The following DKK3 variants were observed in gnomAD, a reference collection of about 807,000 sequenced individuals.
DKK3 encodes dickkopf Wnt signaling pathway inhibitor 3, also known as dickkopf-related protein 3.
In DKK3, 22 loss-of-function variants were observed where a neutral mutation model predicts 33.2. That is an observed-to-expected ratio of 0.66 (90% confidence interval 0.47 to 0.95). The LOEUF (loss-of-function observed/expected upper bound fraction) is 0.95, where lower values mean the gene tolerates loss of function less well. DKK3 is among the 40% of genes least tolerant of loss of function. The probability of loss-of-function intolerance (pLI) is 0.00; values close to 1 mark genes in which losing one functional copy is unlikely to be tolerated. For missense variants in DKK3, 398 were observed against 458.4 expected, an observed-to-expected ratio of 0.87 and a Z score of 1.20; for synonymous variants, 194 against 188.8, an observed-to-expected ratio of 1.03 and a Z score of -0.23.
intron 6 of DKK3, among the ~76,000 whole-genome samples, chr11:11,965,125 T>A (rs1162203537): frequency 6.6e-6 from 1 of 152,102 alleles, no homozygotes. Flanking sequence ...TTAAAAAAAA[T>A]TAATGTGTTT....
At chr11:11,999,748 C>G (rs575079896) in intron 2 of DKK3, among the ~76,000 whole-genome samples, 1 of 152,312 alleles carries the variant, frequency 6.6e-6, no homozygotes, top group African/African-American at 2.4e-5. Context: ...CAGTATGTCA[C>G]CTGGAACAAA....
chr11:11,979,429 G>A (rs189788821), intron 3 of DKK3, among the ~76,000 whole-genome samples: 16 of 152,316 alleles, frequency 1.1e-4, no homozygotes, highest in Admixed American at 8.5e-4. Flanking sequence ...GGTCACAGGC[G>A]GGTAGCCAAG....
chr11:11,981,608 G>A (rs1003936285), intron 3 of DKK3, among the ~76,000 whole-genome samples: 5 of 152,116 alleles, frequency 3.3e-5, no homozygotes, highest in Non-Finnish European at 7.4e-5. Flanking sequence ...CAATGCTTAC[G>A]GGGCTGGGGG....
At chr11:12,002,531 A>G (rs1310654009) in intron 1 of DKK3, 94 bp from the exon 2 acceptor site, 2 of 1,338,324 alleles carry the variant, frequency 1.5e-6, no homozygotes, top group African/African-American at 1.5e-5. Context: ...CTCTTCTGCA[A>G]TTACAAAGAA....
rs1428008280 is a variant in DKK3 at position 11,964,469 on chromosome 11, T to G, written c.1048A>C (p.Ile350Leu). Residue 350 changes from isoleucine to leucine, a missense_variant, in exon 7 of 7, where the codon ATT becomes CTT. Physicochemically the swap from Ile to Leu is conservative, Grantham distance 5. Transcript: ENST00000683431. The stretch of plus-strand genomic sequence containing the variant: ...ACCCACAGCCTGGTCCAGATCTAAA[T>G]CTCTTCCCCTCCCAGCAGTGCAGCG... ...AAAALLGGEE[I>L] 2 of 1,611,080 alleles carry G rather than the reference T, an allele frequency of 1.2e-6. No homozygotes were observed. Among genetic ancestry groups the G allele is most frequent in the Non-Finnish European group, 1.7e-6 (2 of 1,179,906 alleles).
intron 3 of DKK3, among the ~76,000 whole-genome samples, chr11:11,973,915 C>T (rs571182475): frequency 6.6e-6 from 1 of 152,288 alleles, no homozygotes; most frequent in East Asian, 1.9e-4. Flanking sequence ...GTGTGGGGCC[C>T]GCAGAGGCAC....
chr11:11,964,859 G>A, intron 6 of DKK3, 173 bp from the exon 7 acceptor site: 1 of 1,365,920 alleles, frequency 7.3e-7, no homozygotes, highest in South Asian at 1.5e-5. Context: ...AATGATGGCT[G>A]AGGGAGGCTC....
intron 3 of DKK3, among the ~76,000 whole-genome samples, chr11:11,995,548 C>G (rs541916180): frequency 1.3e-5 from 2 of 152,326 alleles, no homozygotes; most frequent in Non-Finnish European, 2.9e-5. Flanking sequence ...AGCCTTGTAG[C>G]TGCGAGTTGG....
In DKK3 at chr11:11,963,165, A is replaced by G. The variant is rs1017215765; in HGVS notation, c.*1299T>C. On this transcript the variant is annotated 3_prime_UTR_variant, in exon 7 of 7. Transcript: ENST00000683431. ...GCAACTTATGTTTATACATAATTTA[A>G]AACTCAAAGAAAGCATGCTTATACA... is the stretch of plus-strand genomic sequence containing the variant. 3.3e-5 allele frequency: 5 copies of G among 152,706 alleles called. No homozygotes were observed. The highest frequency in any genetic ancestry group is 7.3e-5 in the Non-Finnish European group (5 of 68,054). The allele number at this position is 152,706 out of a possible 1,614,324, so 9.5% of individuals were successfully genotyped here. A position where few individuals can be genotyped will look rare whatever the true frequency, so the allele number is the denominator to read the frequency against.
chr11:11,988,356 T>G (rs1282384150), intron 3 of DKK3, among the ~76,000 whole-genome samples: 4 of 152,144 alleles, frequency 2.6e-5, no homozygotes. Flanking sequence ...TTTATTAGAT[T>G]CGGGGGCATG....
At chr11:11,979,528 C>T (rs577819450) in intron 3 of DKK3, among the ~76,000 whole-genome samples, 1 of 152,236 alleles carries the variant, frequency 6.6e-6, no homozygotes, top group African/African-American at 2.4e-5. Context: ...ACTCCTAACT[C>T]TACCCTCCTG....
At chr11:11,996,891 T>A (rs1460794009) in intron 3 of DKK3, among the ~76,000 whole-genome samples, 2 of 152,196 alleles carry the variant, frequency 1.3e-5, no homozygotes, top group Non-Finnish European at 2.9e-5. Flanking sequence ...CCAGATGAGA[T>A]CTGAAGAAGA....
At chr11:11,971,029 ATTT>A (rs35525674) in intron 3 of DKK3, among the ~76,000 whole-genome samples, 4 of 138,922 alleles carry the variant, frequency 2.9e-5, no homozygotes, top group Non-Finnish European at 3.2e-5. Flanking sequence ...AAAATTGAAG[ATTT>A]TTTTTTTTTT....
At position 11,998,744 on chromosome 11, in the gene DKK3, T is replaced by C. The variant is rs767284475; in HGVS notation, c.387A>G (p.Ser129=). The C allele has an allele frequency of 1.9e-6, 3 of 1,614,226 alleles. No homozygotes were observed. Among genetic ancestry groups the C allele is most frequent in the Admixed American group, 3.3e-5 (2 of 60,032 alleles). ...TNNQTGQMVF[S]ETVITSVGDE... ...CTCCCACAGATGTGATAACTGTCTC[T>C]GAAAAGACCATTTGTCCAGTCTGGT... The change falls in exon 3 of 7, where the codon TCA becomes TCG. Residue 129 remains serine (S), a synonymous_variant. Coordinates refer to ENST00000683431, the MANE Select transcript of DKK3 (RefSeq NM_001018057.2).
At chr11:11,990,477 C>T (rs1848164224) in intron 3 of DKK3, among the ~76,000 whole-genome samples, 2 of 152,256 alleles carry the variant, frequency 1.3e-5, no homozygotes, top group East Asian at 1.9e-4. Context: ...AAAGCTCCAT[C>T]GCCACGAATG....
rs1364690136 is a variant in DKK3 at position 11,981,045 on chromosome 11, G to A, written c.436-12558C>T. ...CTTCCAGAAACAGAAAATAGCAGGGGGCTGGAAGGCAGCATGCCCAGCCCT... is the reference window on the plus strand; with the variant it reads ...CTTCCAGAAACAGAAAATAGCAGGGAGCTGGAAGGCAGCATGCCCAGCCCT... On this transcript the variant is annotated intron_variant, in intron 3 of 6. Coordinates refer to ENST00000683431, the MANE Select transcript of DKK3 (RefSeq NM_001018057.2). 3.3e-5 allele frequency among the ~76,000 whole-genome samples: 5 copies of A among 152,274 alleles called. No individual in the cohort carries two copies. In the South Asian group the frequency reaches 1.0e-3, roughly 32 times the overall value.
intron 3 of DKK3, among the ~76,000 whole-genome samples, chr11:11,981,320 G>A (rs1847950079): frequency 6.6e-6 from 1 of 152,162 alleles, no homozygotes; most frequent in Non-Finnish European, 1.5e-5. Flanking sequence ...AGGAGCTTGG[G>A]TGAAAAGAGC....
At chr11:11,978,484 TCC>T (rs1847885804) in intron 3 of DKK3, among the ~76,000 whole-genome samples, 1 of 101,838 alleles carries the variant, frequency 9.8e-6, no homozygotes, top group Non-Finnish European at 2.5e-5. Context: ...TTCTTTTTCT[TCC>T]TCTTCTTCTT....
intron 1 of DKK3, among the ~76,000 whole-genome samples, chr11:12,005,469 A>G (rs6485368): frequency 0.51 from 77,542 of 152,050 alleles, 21,304 homozygotes; most frequent in African/African-American, 0.73. Flanking sequence ...CATGAGGGGA[A>G]GAGAAACAGA....
Sources: gnomAD v4.1 joint callset for allele counts (sites outside exome capture counted in the v4.1 genomes callset) on GRCh38, gnomAD v4.1.1 for gene constraint, MANE v1.5 for transcripts, NCBI Gene and HGNC (gene_info 2026-07-23, HGNC 2026-07-21) for gene names.